The following MAGI2 variants were observed in gnomAD, a reference collection of about 807,000 sequenced individuals.
MAGI2 encodes the protein membrane associated guanylate kinase, WW and PDZ domain containing 2, also known as membrane-associated guanylate kinase, WW and PDZ domain-containing protein 2.
In MAGI2, 35 loss-of-function variants were observed where a neutral mutation model predicts 133.3. The observed-to-expected ratio is 0.26, with a 90% CI of 0.20 to 0.35. The LOEUF is 0.35. Ranked by LOEUF, MAGI2 falls within the 10% of genes least tolerant of loss-of-function variation. The pLI, the probability that MAGI2 is intolerant of heterozygous loss-of-function variation, is 1.00. For synonymous variants in MAGI2, 729 were observed against 710.6 expected, an observed-to-expected ratio of 1.03 and a Z score of -0.41; for missense variants, 1,636 against 1,863.4, an observed-to-expected ratio of 0.88 and a Z score of 2.25.
At chr7:78,827,759 T>C (rs1790790729) in intron 2 of MAGI2, among the ~76,000 whole-genome samples, 1 of 152,162 alleles carries the variant, frequency 6.6e-6, no homozygotes, top group South Asian at 2.1e-4. Context: ...GTGTTTATGT[T>C]GATATAAATA....
chr7:78,263,561 C>T (rs1216306406), intron 9 of MAGI2, among the ~76,000 whole-genome samples: 1 of 151,586 alleles, frequency 6.6e-6, no homozygotes. Context: ...AGTCTCACCC[C>T]ATTTTGACCT....
chr7:79,109,667 A>G (rs1258446019), intron 1 of MAGI2, among the ~76,000 whole-genome samples: 4 of 152,206 alleles, frequency 2.6e-5, no homozygotes, highest in African/African-American at 7.2e-5. Flanking sequence ...TGAAATAGGA[A>G]TACAAGCAGG....
At chr7:78,363,230 A>G (rs752398984) in intron 7 of MAGI2, among the ~76,000 whole-genome samples, 7 of 152,190 alleles carry the variant, frequency 4.6e-5, no homozygotes, top group Non-Finnish European at 8.8e-5. Context: ...GCGGTGGCTC[A>G]CACCTGTAAT....
chr7:78,785,929 C>T (rs1255757252), intron 2 of MAGI2, among the ~76,000 whole-genome samples: 1 of 152,096 alleles, frequency 6.6e-6, no homozygotes, highest in Non-Finnish European at 1.5e-5. Context: ...TAGACAAGAA[C>T]ACACTATGAA....
At chr7:78,951,452 G>A (rs1563698886) in intron 2 of MAGI2, among the ~76,000 whole-genome samples, 1 of 152,074 alleles carries the variant, frequency 6.6e-6, no homozygotes, top group Non-Finnish European at 1.5e-5. Context: ...CCTTCTTCAC[G>A]AGGTGGCAGA....
chr7:78,065,013 AT>A (rs796571972), intron 21 of MAGI2, among the ~76,000 whole-genome samples: 19 of 150,960 alleles, frequency 1.3e-4, no homozygotes, highest in African/African-American at 4.1e-4. Context: ...GGCCCTTAAA[AT>A]TTTTTTTTTC....
At chr7:78,260,146 GATA>G (rs1793378981) in intron 9 of MAGI2, among the ~76,000 whole-genome samples, 1 of 152,160 alleles carries the variant, frequency 6.6e-6, no homozygotes, top group Non-Finnish European at 1.5e-5. Flanking sequence ...TAGATGTCTA[GATA>G]ATAAGTCATG....
intron 1 of MAGI2, among the ~76,000 whole-genome samples, chr7:79,129,063 G>A (rs933253363): frequency 6.6e-6 from 1 of 151,974 alleles, no homozygotes; most frequent in African/African-American, 2.4e-5. Context: ...CAGAAACGGG[G>A]TTTCACCATG....
chr7:78,630,392 G>A (rs1006023579), intron 2 of MAGI2, among the ~76,000 whole-genome samples: 9 of 144,740 alleles, frequency 6.2e-5, no homozygotes, highest in Non-Finnish European at 1.2e-4. Context: ...GAAATGTGGT[G>A]TACTGACTTT....
chr7:78,759,886 T>C (rs1027843422), intron 2 of MAGI2, among the ~76,000 whole-genome samples: 5 of 151,914 alleles, frequency 3.3e-5, no homozygotes, highest in African/African-American at 9.7e-5. Context: ...CCCAGCACTT[T>C]GGGAGGCCAA....
intron 1 of MAGI2, among the ~76,000 whole-genome samples, chr7:79,222,943 G>T (rs1311811807): frequency 6.6e-6 from 1 of 151,964 alleles, no homozygotes; most frequent in Non-Finnish European, 1.5e-5. Context: ...GGAGTGCAGT[G>T]GCGCTGTCTC....
intron 2 of MAGI2, among the ~76,000 whole-genome samples, chr7:78,680,499 A>C (rs933305316): frequency 5.3e-5 from 8 of 152,154 alleles, no homozygotes; most frequent in African/African-American, 1.7e-4. Flanking sequence ...GCTATATTTT[A>C]CAACATCCTA....
At chr7:78,790,164 C>A (rs539787343) in intron 2 of MAGI2, among the ~76,000 whole-genome samples, 136 of 151,988 alleles carry the variant, frequency 8.9e-4, no homozygotes, top group African/African-American at 3.1e-3. Context: ...AAATTAGAAA[C>A]TCTTTGCTAG....
intron 1 of MAGI2, among the ~76,000 whole-genome samples, chr7:79,323,691 C>G (rs75231155): frequency 1.3e-5 from 2 of 151,984 alleles, no homozygotes; most frequent in African/African-American, 4.8e-5. Flanking sequence ...CTCACGTAAG[C>G]TAGGGTAGGA....
chr7:78,411,616 T>C (rs1031080869), intron 6 of MAGI2, among the ~76,000 whole-genome samples: 15 of 151,984 alleles, frequency 9.9e-5, no homozygotes, highest in South Asian at 6.2e-4. Flanking sequence ...AAAGTGATAA[T>C]TTATCACTTA....
intron 1 of MAGI2, among the ~76,000 whole-genome samples, chr7:79,052,920 A>G (rs1034437069): frequency 6.6e-6 from 1 of 152,136 alleles, no homozygotes; most frequent in African/African-American, 2.4e-5. Flanking sequence ...TCTTTAATAT[A>G]GTTGAAATGA....
At chr7:78,538,535 CT>C (rs1352434255) in intron 3 of MAGI2, among the ~76,000 whole-genome samples, 3 of 152,114 alleles carry the variant, frequency 2.0e-5, no homozygotes, top group Admixed American at 6.5e-5. Context: ...TTGTAGAGAT[CT>C]TTTACCTCCT....
In MAGI2 at chr7:78,741,415, ACACACACACACAC is replaced by A. The variant is rs1563439048; in HGVS notation, c.419-114189_419-114177del. The stretch of plus-strand genomic sequence containing the variant: ...CACACACACACACACACACACACAC[ACACACACACACAC>A]GGGAGGGGGGTTAGATCATAAAAGG... On this transcript the variant is annotated intron_variant, in intron 2 of 21. Transcript: ENST00000354212. Among the ~76,000 whole-genome samples, 418 of 140,346 alleles carry A rather than the reference ACACACACACACAC, an allele frequency of 3.0e-3. 6 individuals carry two copies. Among genetic ancestry groups the A allele is most frequent in the African/African-American group, 0.012 (379 of 32,934 alleles). The allele number at this position is 140,346 out of a possible 152,430, so 92.1% of individuals were successfully genotyped here.
Position 78,397,431 on chromosome 7 carries a change from G to A in MAGI2, c.1046-28218C>T, listed in dbSNP as rs535015368. On this transcript the variant is annotated intron_variant, in intron 6 of 21. Coordinates refer to ENST00000354212, the MANE Select transcript of MAGI2 (RefSeq NM_012301.4). ...CTTACATTGCCCAAACCATCAATAAGTTCCTTTGATGTATTGCTTGTAATG... is the reference window on the plus strand; with the variant it reads ...CTTACATTGCCCAAACCATCAATAAATTCCTTTGATGTATTGCTTGTAATG... 1.4e-4 allele frequency among the ~76,000 whole-genome samples: 21 copies of A among 150,746 alleles called. 1 individual carries two copies. The South Asian group carries it at 3.1e-3, about 22-fold the overall frequency.
Sources: allele counts gnomAD v4.1 joint callset (sites outside exome capture counted in the v4.1 genomes callset), GRCh38; gene constraint gnomAD v4.1.1; transcripts MANE v1.5; gene names NCBI Gene and HGNC (gene_info 2026-07-23, HGNC 2026-07-21).